The following KIT variants were observed in gnomAD, a reference collection of about 807,000 sequenced individuals.
KIT encodes the protein mast/stem cell growth factor receptor Kit.
KIT carries 16 observed loss-of-function variants against 105.7 expected under a neutral mutation model. That is an observed-to-expected ratio of 0.15 (90% CI 0.10 to 0.23). The LOEUF is 0.23. Ranked by LOEUF, KIT falls within the 10% of genes least tolerant of loss-of-function variation. The pLI is 1.00. For synonymous variants in KIT, 438 were observed against 441.1 expected (o/e 0.99, Z 0.09); for missense variants, 858 against 1,213.8 (o/e 0.71, Z 4.36).
intron 8 of KIT, among the ~76,000 whole-genome samples, chr4:54,725,526 T>C (rs1247110869): frequency 3.9e-5 from 6 of 152,218 alleles, no homozygotes; most frequent in South Asian, 2.1e-4. Flanking sequence ...TGCCATTTTA[T>C]TGAATTCCTT....
intron 7 of KIT, among the ~76,000 whole-genome samples, chr4:54,722,090 A>G (rs151164056): frequency 0.013 from 1,952 of 152,240 alleles, 38 homozygotes; most frequent in African/African-American, 0.045. Context: ...GGTTCAAGCC[A>G]TCCTCCTGCC....
At chr4:54,707,327 C>G (rs753475667) in intron 6 of KIT, 40 bp downstream of exon 6, 1 of 1,382,788 alleles carries the variant, frequency 7.2e-7, no homozygotes, top group Non-Finnish European at 1.0e-6. Context: ...ACACATTACC[C>G]CCTTTTCCAG....
intron 7 of KIT, among the ~76,000 whole-genome samples, chr4:54,720,362 G>T (rs921293781): frequency 6.6e-6 from 1 of 152,128 alleles, no homozygotes. Flanking sequence ...TTAATTAACC[G>T]GCACATGGGA....
chr4:54,677,517 G>A lies in KIT; in HGVS notation c.68-17995G>A, dbSNP rs913470202. On this transcript the variant is annotated intron_variant, in intron 1 of 20. Transcript: ENST00000288135. ...AGCAGCCTGGAGTAAAGGTGGCCCC[G>A]GAAGGTTTTCAGGGAAAGTGACTCT... Among the ~76,000 whole-genome samples the A allele has an allele frequency of 3.3e-5, 5 of 152,118 alleles. No individual in the cohort carries two copies. In the East Asian group the frequency reaches 7.7e-4, roughly 23 times the overall value.
At position 54,731,651 on chromosome 4, in the gene KIT, G is replaced by A. The variant is rs56074080; in HGVS notation, c.2234-220G>A. Among the ~76,000 whole-genome samples, 11 of 152,082 alleles carry A rather than the reference G, an allele frequency of 7.2e-5. No homozygotes were observed. The East Asian group carries it at 1.9e-3, about 27-fold the overall frequency. ...AGATATGGGATCTTTGCTTTAATTC[G>A]CCATCCCTCTCCTCTATGGATTTTG... On this transcript the variant is annotated intron_variant, in intron 15 of 20. Transcript: ENST00000288135.
intron 1 of KIT, among the ~76,000 whole-genome samples, chr4:54,672,813 T>C (rs925434201): frequency 1.3e-5 from 2 of 152,208 alleles, no homozygotes; most frequent in Non-Finnish European, 2.9e-5. Flanking sequence ...CATTTTGGTT[T>C]TCTGAAACGC....
At chr4:54,684,915 C>T (rs1719205402) in intron 1 of KIT, among the ~76,000 whole-genome samples, 1 of 152,192 alleles carries the variant, frequency 6.6e-6, no homozygotes, top group Non-Finnish European at 1.5e-5. Flanking sequence ...GTCCTGTGCC[C>T]TGGAGACTTG....
chr4:54,667,968 C>T (rs913759735), intron 1 of KIT, among the ~76,000 whole-genome samples: 1 of 152,164 alleles, frequency 6.6e-6, no homozygotes. Context: ...TTTGTGGGCT[C>T]AACTTCTGAT....
At chr4:54,699,121 C>G (rs1720283561) in intron 3 of KIT, among the ~76,000 whole-genome samples, 1 of 152,166 alleles carries the variant, frequency 6.6e-6, no homozygotes, top group Non-Finnish European at 1.5e-5. Context: ...TAATTCAACA[C>G]CAGTTGGCAT....
chr4:54,716,700 C>G lies in KIT; in HGVS notation c.1232-6884C>G, dbSNP rs1036500994. Among the ~76,000 whole-genome samples, 6 of 152,246 alleles carry G rather than the reference C, an allele frequency of 3.9e-5. No homozygotes were observed. The South Asian group carries it at 1.2e-3, about 32-fold the overall frequency. ...AGACATCCAGGAGCGAGGCGGGACT[C>G]TGAAATGATGTGACTGAATTTTAAA... On this transcript the variant is annotated intron_variant, in intron 7 of 20. Transcript: ENST00000288135.
At chr4:54,719,729 G>A (rs1389095145) in intron 7 of KIT, among the ~76,000 whole-genome samples, 1 of 152,198 alleles carries the variant, frequency 6.6e-6, no homozygotes, top group Non-Finnish European at 1.5e-5. Flanking sequence ...GAACTGCAGA[G>A]TTATGTATCT....
rs17084663 is a variant in KIT at position 54,706,248 on chromosome 4, A to G, written c.926-850A>G. ...AATTTAAAAAAAAATCTATATTGCT[A>G]AATGCTTCCTAAAAGAATTGTGCCA... is the stretch of plus-strand genomic sequence containing the variant. On this transcript the variant is annotated intron_variant, in intron 5 of 20. Transcript: ENST00000288135. 9.9e-3 allele frequency among the ~76,000 whole-genome samples: 1,505 copies of G among 152,282 alleles called. 13 individuals carry two copies. Among genetic ancestry groups the G allele is most frequent in the South Asian group, 0.054 (259 of 4,828 alleles).
chr4:54,666,782 A>G (rs1280598648), intron 1 of KIT, among the ~76,000 whole-genome samples: 2 of 152,216 alleles, frequency 1.3e-5, no homozygotes, highest in Non-Finnish European at 2.9e-5. Context: ...TGGGAAAATA[A>G]CCAACCGTTT....
chr4:54,708,184 G>A (rs896526515), intron 6 of KIT, among the ~76,000 whole-genome samples: 1 of 152,156 alleles, frequency 6.6e-6, no homozygotes, highest in Non-Finnish European at 1.5e-5. Context: ...CAGGAGGACG[G>A]GGAGGGACAA....
chr4:54,736,125 G>A (rs1427345580), intron 17 of KIT, among the ~76,000 whole-genome samples: 1 of 152,184 alleles, frequency 6.6e-6, no homozygotes, highest in Non-Finnish European at 1.5e-5. Flanking sequence ...TCCTAATTGT[G>A]AGAGGCCGTG....
intron 17 of KIT, among the ~76,000 whole-genome samples, chr4:54,736,166 T>C (rs554271722): frequency 6.6e-6 from 1 of 152,246 alleles, no homozygotes; most frequent in South Asian, 2.1e-4. Flanking sequence ...GAGGGACATA[T>C]TCAGTGGAAA....
At chr4:54,707,649 A>C (rs547620367) in intron 6 of KIT, among the ~76,000 whole-genome samples, 1 of 152,252 alleles carries the variant, frequency 6.6e-6, no homozygotes, top group South Asian at 2.1e-4. Flanking sequence ...TTAAAGCTGT[A>C]AGAAAACTAA....
intron 14 of KIT, among the ~76,000 whole-genome samples, chr4:54,730,398 T>C (rs181207481): frequency 2.2e-3 from 341 of 152,262 alleles, no homozygotes; most frequent in Admixed American, 5.4e-3. Flanking sequence ...TCAGTAAATA[T>C]TATTGATGGG....
rs139702771 is a variant in KIT, at chr4:54,682,750, G to GTT, written c.68-12746_68-12745dup. On this transcript the variant is annotated intron_variant, in intron 1 of 20. Transcript: ENST00000288135. ...CGGCCGATATTTCTTTGTCTTGACC[G>GTT]TTTTTTTTTTTTTTTTTAGAAGACA... Among the ~76,000 whole-genome samples the GTT allele has an allele frequency of 9.2e-3, 1,239 of 134,074 alleles. 29 individuals are homozygous for GTT. The highest frequency in any genetic ancestry group is 0.03 in the African/African-American group (1,139 of 38,042). 88.0% of individuals were successfully genotyped at this position (134,074 alleles called of 152,430 possible). A position where few individuals can be genotyped will look rare whatever the true frequency, so the allele number is the denominator to read the frequency against.
Sources: gnomAD v4.1 joint callset for allele counts (sites outside exome capture counted in the v4.1 genomes callset) on GRCh38, gnomAD v4.1.1 for gene constraint, MANE v1.5 for transcripts, NCBI Gene and HGNC (gene_info 2026-07-23, HGNC 2026-07-21) for gene names.